The following RANBP10 variants were observed in gnomAD, a reference collection of about 807,000 sequenced individuals.
The protein encoded by RANBP10 is RAN binding protein 10.
In RANBP10, 24 loss-of-function variants were observed where a neutral mutation model predicts 72.8. The ratio of observed to expected loss-of-function variants is 0.33; its 90% CI spans 0.24 to 0.46. The LOEUF (loss-of-function observed/expected upper bound fraction) is 0.46, where lower values mean the gene tolerates loss of function less well. Ranked by LOEUF, RANBP10 falls within the 20% of genes least tolerant of loss-of-function variation. The pLI is 1.00. For synonymous variants in RANBP10, 310 were observed against 322.3 expected (o/e 0.96, Z 0.41); for missense variants, 679 against 817.5 (o/e 0.83, Z 2.07).
chr16:67,793,515 T>C (rs1302071577), intron 2 of RANBP10, among the ~76,000 whole-genome samples: 3 of 152,006 alleles, frequency 2.0e-5, no homozygotes, highest in African/African-American at 7.2e-5. Context: ...TTTCACCATG[T>C]TGGTCACGCT....
At chr16:67,738,326 C>A (rs1175855759) in intron 4 of RANBP10, among the ~76,000 whole-genome samples, 2 of 151,526 alleles carry the variant, frequency 1.3e-5, no homozygotes, top group Non-Finnish European at 2.9e-5. Flanking sequence ...TTAGTAGAGA[C>A]AGGGTTTCAC....
intron 3 of RANBP10, among the ~76,000 whole-genome samples, chr16:67,758,472 G>A (rs1341438702): frequency 2.0e-5 from 3 of 152,164 alleles, no homozygotes; most frequent in African/African-American, 7.2e-5. Context: ...GTTGGGTCCT[G>A]AGCGACGGCC....
intron 3 of RANBP10, among the ~76,000 whole-genome samples, chr16:67,765,215 A>AC (rs1567696807): frequency 1.3e-5 from 2 of 150,080 alleles, no homozygotes; most frequent in Non-Finnish European, 1.5e-5. Flanking sequence ...AAAAAAAAAA[A>AC]AAAAAAAAAA....
intron 6 of RANBP10, 102 bp from the exon 7 acceptor site, chr16:67,731,686 A>C: frequency 1.3e-6 from 1 of 790,342 alleles, no homozygotes; most frequent in Admixed American, 2.7e-5. Flanking sequence ...GTCTCCCTAA[A>C]CACGTCCTGG....
intron 2 of RANBP10, among the ~76,000 whole-genome samples, chr16:67,781,151 G>A (rs774372081): frequency 3.3e-5 from 5 of 152,220 alleles, no homozygotes; most frequent in African/African-American, 4.8e-5. Context: ...GCTGAAGGTG[G>A]ATGATGGGAC....
chr16:67,738,138 G>T (rs2143004145), intron 4 of RANBP10, 103 bp from the exon 5 acceptor site: 1 of 1,313,044 alleles, frequency 7.6e-7, no homozygotes, highest in South Asian at 1.5e-5. Flanking sequence ...TGTTTTTTTT[G>T]GTTTGTTGTT....
chr16:67,789,990 G>A (rs947332738), intron 2 of RANBP10, among the ~76,000 whole-genome samples: 6 of 151,382 alleles, frequency 4.0e-5, no homozygotes, highest in East Asian at 2.0e-4. Context: ...CCAGCTACTC[G>A]GGAGGCTGAG....
intron 2 of RANBP10, among the ~76,000 whole-genome samples, chr16:67,805,164 AACTTGTT>A (rs376483624): frequency 6.6e-6 from 1 of 152,276 alleles, no homozygotes; most frequent in African/African-American, 2.4e-5. Flanking sequence ...TTTTAAAGTA[AACTTGTT>A]ACTTGTTTGC....
intron 2 of RANBP10, among the ~76,000 whole-genome samples, chr16:67,788,990 C>A (rs1166095617): frequency 6.9e-6 from 1 of 145,126 alleles, no homozygotes; most frequent in Non-Finnish European, 1.5e-5. Context: ...GAGTGAGACT[C>A]CGTCTCAAAA....
rs1372528440 is a variant in RANBP10, at chr16:67,725,383, C to T, written c.*1045G>A. 1 of 152,556 alleles carries T rather than the reference C, an allele frequency of 6.6e-6. No homozygotes were observed. Among genetic ancestry groups the T allele is most frequent in the African/African-American group, 2.4e-5 (1 of 41,458 alleles). The allele number at this position is 152,556 out of a possible 1,614,324, so 9.5% of individuals were successfully genotyped here. The stretch of plus-strand genomic sequence containing the variant: ...AGGCAGGAAGAAAGCAGCCCCTGTA[C>T]TCAAGGGCCTCTGTCCTGGGAATGG... On this transcript the variant is annotated 3_prime_UTR_variant, in exon 14 of 14. Coordinates refer to ENST00000317506, the MANE Select transcript of RANBP10 (RefSeq NM_020850.3).
intron 13 of RANBP10, 93 bp from the exon 14 acceptor site, chr16:67,726,651 C>T: frequency 7.1e-7 from 1 of 1,405,506 alleles, no homozygotes; most frequent in Non-Finnish European, 9.5e-7. Flanking sequence ...GGGCAGTGGA[C>T]AGATTCTCTT....
At chr16:67,746,741 G>T (rs2054088389) in intron 3 of RANBP10, among the ~76,000 whole-genome samples, 2 of 152,114 alleles carry the variant, frequency 1.3e-5, no homozygotes, top group Admixed American at 1.3e-4. Flanking sequence ...TGTTCCTATG[G>T]TTTTGCCTTT....
intron 3 of RANBP10, among the ~76,000 whole-genome samples, chr16:67,764,413 C>T (rs1403828935): frequency 1.3e-5 from 2 of 152,126 alleles, no homozygotes; most frequent in African/African-American, 4.8e-5. Flanking sequence ...AACACTGAGA[C>T]TCAGTATCTA....
intron 2 of RANBP10, among the ~76,000 whole-genome samples, chr16:67,773,038 G>A (rs900387397): frequency 5.9e-5 from 9 of 152,274 alleles, no homozygotes; most frequent in Non-Finnish European, 1.2e-4. Flanking sequence ...AAATTTGGGG[G>A]GCCAGGGTAG....
intron 3 of RANBP10, among the ~76,000 whole-genome samples, chr16:67,751,997 T>TC (rs767532883): frequency 2.6e-5 from 4 of 151,088 alleles, no homozygotes; most frequent in Non-Finnish European, 5.9e-5. Flanking sequence ...AAAAAAAGAA[T>TC]CAATTCAGGA....
Position 67,729,652 on chromosome 16 carries a change from T to C in RANBP10, c.1147+28A>G. ...GGCCTCTCTCCTCCACACCAGTTCT[T>C]CCCAGAGCCCTCTGGAGAGTGGCTG... On this transcript the variant is annotated intron_variant, in intron 9 of 13. Transcript: ENST00000317506. This position sits in a 1 kb window ranked among gnomAD's most constrained non-coding sequence, Gnocchi z 7.1. The C allele has an allele frequency of 6.3e-7, 1 of 1,592,294 alleles. No homozygotes were observed.
Position 67,730,106 on chromosome 16 carries a change from A to C in RANBP10, c.890-60T>G. 2 of 1,487,238 alleles carry C rather than the reference A, an allele frequency of 1.3e-6. No homozygotes were observed. Among genetic ancestry groups the C allele is most frequent in the Non-Finnish European group, 1.9e-6 (2 of 1,079,228 alleles). The allele number at this position is 1,487,238 out of a possible 1,614,324, so 92.1% of individuals were successfully genotyped here. On this transcript the variant is annotated intron_variant, in intron 7 of 13. Coordinates refer to ENST00000317506, the MANE Select transcript of RANBP10 (RefSeq NM_020850.3). This position sits in a 1 kb window ranked among gnomAD's most constrained non-coding sequence, Gnocchi z 4.3. ...CTACAGGCCTCTCCCACAGCCACAC[A>C]CCTGGGATGCTGCCAGCCTCAGGGT... is the stretch of plus-strand genomic sequence containing the variant.
intron 2 of RANBP10, among the ~76,000 whole-genome samples, chr16:67,787,232 CTA>C (rs2054932904): frequency 1.3e-5 from 2 of 152,134 alleles, no homozygotes; most frequent in Admixed American, 6.6e-5. Context: ...GAGTGAGACT[CTA>C]TCTCAATCAA....
intron 2 of RANBP10, among the ~76,000 whole-genome samples, chr16:67,796,026 C>T (rs1480066608): frequency 6.7e-6 from 1 of 150,360 alleles, no homozygotes; most frequent in African/African-American, 2.4e-5. Context: ...AAGTGATTCT[C>T]CTGACTCAGC....
Sources: allele counts gnomAD v4.1 joint callset (sites outside exome capture counted in the v4.1 genomes callset), GRCh38; gene constraint gnomAD v4.1.1; non-coding constraint Gnocchi (gnomAD v3.1); transcripts MANE v1.5; gene names NCBI Gene and HGNC (gene_info 2026-07-23, HGNC 2026-07-21).